The following AMOTL1 variants were observed in gnomAD, a reference collection of about 807,000 sequenced individuals.
AMOTL1 encodes the protein angiomotin-like protein 1.
AMOTL1 carries 45 observed loss-of-function variants against 102.9 expected under a neutral mutation model. The observed-to-expected ratio is 0.44, with a 90% confidence interval of 0.34 to 0.56. AMOTL1 has a LOEUF of 0.56. AMOTL1 is among the 20% of genes least tolerant of loss of function. The pLI is 0.01. For missense variants in AMOTL1, 1,114 were observed against 1,225.6 expected, an observed-to-expected ratio of 0.91 and a Z score of 1.36; for synonymous variants, 481 against 484.7, an observed-to-expected ratio of 0.99 and a Z score of 0.10.
chr11:94,846,949 TTAC>T (rs1358811283), intron 6 of AMOTL1, among the ~76,000 whole-genome samples: 2 of 152,238 alleles, frequency 1.3e-5, no homozygotes, highest in African/African-American at 4.8e-5. Flanking sequence ...GAAGATATTG[TTAC>T]TACTATTATC....
At chr11:94,797,632 A>G (rs886691859) in intron 2 of AMOTL1, among the ~76,000 whole-genome samples, 5 of 152,204 alleles carry the variant, frequency 3.3e-5, no homozygotes, top group Non-Finnish European at 5.9e-5. Flanking sequence ...TTTTACTCGG[A>G]AGGTAGTTTT....
intron 3 of AMOTL1, among the ~76,000 whole-genome samples, chr11:94,815,752 AT>A (rs1025807116): frequency 3.9e-5 from 6 of 152,076 alleles, no homozygotes; most frequent in African/African-American, 1.4e-4. Flanking sequence ...ATAAAAAGGT[AT>A]TTTTGGCAAG....
intron 3 of AMOTL1, among the ~76,000 whole-genome samples, chr11:94,813,282 C>A (rs1005930496): frequency 2.6e-5 from 4 of 152,184 alleles, no homozygotes; most frequent in Admixed American, 6.5e-5. Context: ...CAGAATAAGT[C>A]CAGCAGATCC....
chr11:94,741,285 T>A (rs538021023), intron 3 of AMOTL1, among the ~76,000 whole-genome samples: 28 of 152,214 alleles, frequency 1.8e-4, no homozygotes, highest in African/African-American at 6.5e-4. Context: ...GCAGTGGTGC[T>A]GCTCCGAGGA....
At chr11:94,789,965 T>A (rs1336188202) in intron 1 of AMOTL1, among the ~76,000 whole-genome samples, 6 of 151,886 alleles carry the variant, frequency 4.0e-5, no homozygotes, top group Non-Finnish European at 7.4e-5. Context: ...CACCTGGGAG[T>A]TGTTCTGCAG....
At chr11:94,827,875 A>G (rs1055979645) in intron 4 of AMOTL1, among the ~76,000 whole-genome samples, 3 of 151,994 alleles carry the variant, frequency 2.0e-5, no homozygotes, top group Admixed American at 6.5e-5. Context: ...CTAGGCTCCT[A>G]CGGCTCCACT....
chr11:94,813,682 T>A (rs1228385149), intron 3 of AMOTL1, among the ~76,000 whole-genome samples: 1 of 152,140 alleles, frequency 6.6e-6, no homozygotes, highest in African/African-American at 2.4e-5. Flanking sequence ...ATACATGTCG[T>A]CCCATGTGTA....
At chr11:94,774,867 T>C (rs1951002310) in intron 1 of AMOTL1, among the ~76,000 whole-genome samples, 2 of 152,220 alleles carry the variant, frequency 1.3e-5, no homozygotes, top group Non-Finnish European at 2.9e-5. Flanking sequence ...AACAGATCTA[T>C]TTCTAAGGTT....
chr11:94,861,145 G>A (rs144291804), intron 9 of AMOTL1, among the ~76,000 whole-genome samples: 21 of 152,246 alleles, frequency 1.4e-4, no homozygotes, highest in Non-Finnish European at 2.2e-4. Context: ...GAAGCAGCCC[G>A]CAGTATCCAT....
At chr11:94,783,079 A>G (rs1951134842) in intron 1 of AMOTL1, among the ~76,000 whole-genome samples, 1 of 152,236 alleles carries the variant, frequency 6.6e-6, no homozygotes, top group African/African-American at 2.4e-5. Context: ...AAAGGATCCT[A>G]AAACCAAAAA....
At chr11:94,769,254 A>G (rs1003986558) in intron 1 of AMOTL1, among the ~76,000 whole-genome samples, 9 of 152,154 alleles carry the variant, frequency 5.9e-5, no homozygotes, top group African/African-American at 2.2e-4. Flanking sequence ...TCCAAATGGA[A>G]CTGTTTTTTC....
chr11:94,766,814 C>T (rs368946864), upstream of AMOTL1, among the ~76,000 whole-genome samples: 43 of 152,342 alleles, frequency 2.8e-4, 1 homozygote, highest in South Asian at 3.3e-3. Flanking sequence ...CTTCATCCGG[C>T]AAGTGAAAGG....
chr11:94,709,304 T>C (rs10765698), intron 1 of AMOTL1, among the ~76,000 whole-genome samples: 113,808 of 152,084 alleles, frequency 0.75, 46,931 homozygotes, highest in Non-Finnish European at 0.92. Flanking sequence ...TTGTCTCAGT[T>C]ACTTTGGCAG....
chr11:94,717,026 T>A (rs2135437001), intron 1 of AMOTL1, among the ~76,000 whole-genome samples: 1 of 152,148 alleles, frequency 6.6e-6, no homozygotes, highest in East Asian at 1.9e-4. Context: ...TGTTTGTTTT[T>A]CAATGCTATG....
In AMOTL1 at chr11:94,871,205, A is replaced by G. The variant is rs1211679281; in HGVS notation, c.*410A>G. On this transcript the variant is annotated 3_prime_UTR_variant, in exon 13 of 13. Transcript: ENST00000433060. ...CCTCTTAGCATGTTTGATTTAAGAAAAGCCTCCAGGAAATCTTGAGAGCCT... is the reference window on the plus strand; with the variant it reads ...CCTCTTAGCATGTTTGATTTAAGAAGAGCCTCCAGGAAATCTTGAGAGCCT... 1 of 154,718 alleles carries G rather than the reference A, an allele frequency of 6.5e-6. No individual in the cohort carries two copies. Among genetic ancestry groups the G allele is most frequent in the African/African-American group, 2.4e-5 (1 of 41,504 alleles). 9.6% of individuals were successfully genotyped at this position (154,718 alleles called of 1,614,324 possible). A position where few individuals can be genotyped will look rare whatever the true frequency, so the allele number is the denominator to read the frequency against.
At chr11:94,824,201 T>A (rs1329636443) in intron 4 of AMOTL1, among the ~76,000 whole-genome samples, 2 of 152,150 alleles carry the variant, frequency 1.3e-5, no homozygotes, top group Non-Finnish European at 2.9e-5. Context: ...AACCCAAAAC[T>A]TTTTCAGTCC....
intron 6 of AMOTL1, among the ~76,000 whole-genome samples, chr11:94,834,918 G>A (rs1010844316): frequency 6.6e-6 from 1 of 152,172 alleles, no homozygotes; most frequent in African/African-American, 2.4e-5. Context: ...TCTTAAGTTA[G>A]AGTTTTATGA....
chr11:94,816,623 A>G (rs1215408717), intron 3 of AMOTL1, among the ~76,000 whole-genome samples: 2 of 151,946 alleles, frequency 1.3e-5, no homozygotes, highest in African/African-American at 4.8e-5. Flanking sequence ...TTTTTTTTTT[A>G]ATTAAAGTTA....
intron 1 of AMOTL1, among the ~76,000 whole-genome samples, chr11:94,778,748 CAAG>C (rs944088645): frequency 1.3e-4 from 20 of 152,140 alleles, no homozygotes; most frequent in African/African-American, 4.8e-4. Flanking sequence ...ACTTCTGGGG[CAAG>C]AAGACTGAGA....
Sources: gnomAD v4.1 joint callset for allele counts (sites outside exome capture counted in the v4.1 genomes callset) on GRCh38, gnomAD v4.1.1 for gene constraint, MANE v1.5 for transcripts, NCBI Gene and HGNC (gene_info 2026-07-23, HGNC 2026-07-21) for gene names.